The following NCAM2 variants were observed in gnomAD, a reference collection of about 807,000 sequenced individuals.
NCAM2 encodes the protein neural cell adhesion molecule 2.
NCAM2 carries 30 observed loss-of-function variants against 98.1 expected under a neutral mutation model. That is an observed-to-expected ratio of 0.31 (90% CI 0.23 to 0.41). The LOEUF (loss-of-function observed/expected upper bound fraction) is 0.41, where lower values mean the gene tolerates loss of function less well. NCAM2 is among the 10% of genes least tolerant of loss of function. The probability of loss-of-function intolerance (pLI) is 1.00; values close to 1 mark genes in which losing one functional copy is unlikely to be tolerated. For synonymous variants in NCAM2, 368 were observed against 342.4 expected (o/e 1.07, Z -0.83); for missense variants, 867 against 1,005.8 (o/e 0.86, Z 1.87).
chr21:21,334,924 C>G (rs1318157894), intron 6 of NCAM2, among the ~76,000 whole-genome samples: 1 of 151,980 alleles, frequency 6.6e-6, no homozygotes, highest in East Asian at 1.9e-4. Flanking sequence ...TTATTTTCCT[C>G]ATTAAAGAAT....
intron 9 of NCAM2, among the ~76,000 whole-genome samples, chr21:21,375,329 A>T (rs1343189007): frequency 1.3e-5 from 2 of 151,552 alleles, no homozygotes; most frequent in East Asian, 3.9e-4. Context: ...TAAACTTCGT[A>T]ACTAAAAGAA....
intron 1 of NCAM2, among the ~76,000 whole-genome samples, chr21:21,044,856 T>G (rs2064977697): frequency 6.6e-6 from 1 of 152,016 alleles, no homozygotes. Flanking sequence ...TTCTGGCTAC[T>G]TAGGAGGCTG....
Position 21,468,789 on chromosome 21 carries a change from T to C in NCAM2, c.1896+6T>C, listed in dbSNP as rs1332345166. 1.2e-6 allele frequency: 2 copies of C among 1,607,700 alleles called. No individual in the cohort carries two copies. Among genetic ancestry groups the C allele is most frequent in the East Asian group, 4.5e-5 (2 of 44,734 alleles). The stretch of plus-strand genomic sequence containing the variant: ...ACATTGTGAAATATAGAAGTGTAAG[T>C]ACCTTGTTTATTGTCATATCATGCT... On this transcript the variant is annotated splice_donor_region_variant and intron_variant, in intron 14 of 17. Coordinates refer to ENST00000400546, the MANE Select transcript of NCAM2 (RefSeq NM_004540.5).
intron 1 of NCAM2, among the ~76,000 whole-genome samples, chr21:21,020,073 G>C (rs930519164): frequency 1.2e-4 from 18 of 151,834 alleles, no homozygotes; most frequent in African/African-American, 3.6e-4. Context: ...GTCTCGCACT[G>C]CTGCCTGGGC....
chr21:21,478,406 T>G (rs1985437745), intron 15 of NCAM2, among the ~76,000 whole-genome samples: 1 of 152,088 alleles, frequency 6.6e-6, no homozygotes. Flanking sequence ...AGATATATAA[T>G]ATTTTTGAAA....
intron 1 of NCAM2, among the ~76,000 whole-genome samples, chr21:21,086,403 A>G (rs1254308719): frequency 2.0e-5 from 3 of 152,180 alleles, no homozygotes; most frequent in Non-Finnish European, 4.4e-5. Context: ...CCCTTTACAC[A>G]TTTTACGTTT....
At chr21:21,375,765 A>T (rs1025208166) in intron 9 of NCAM2, among the ~76,000 whole-genome samples, 4 of 151,620 alleles carry the variant, frequency 2.6e-5, no homozygotes, top group Non-Finnish European at 5.9e-5. Context: ...AAACTTAAGC[A>T]TGCCAAGATA....
chr21:21,199,726 T>C (rs1298683812), intron 1 of NCAM2, among the ~76,000 whole-genome samples: 2 of 152,208 alleles, frequency 1.3e-5, no homozygotes, highest in Admixed American at 6.5e-5. Flanking sequence ...ATGTCCAGTA[T>C]AATAGGATAG....
chr21:21,371,639 A>G (rs1310322141), intron 8 of NCAM2, among the ~76,000 whole-genome samples: 2 of 151,670 alleles, frequency 1.3e-5, no homozygotes, highest in African/African-American at 4.8e-5. Flanking sequence ...ACAGATCACA[A>G]TCCACACTTT....
At position 21,477,295 on chromosome 21, in the gene NCAM2, A is replaced by G. The variant is rs1985294028; in HGVS notation, c.1901A>G (p.Asp634Gly). 5 of 1,592,236 alleles carry G rather than the reference A, an allele frequency of 3.1e-6. No individual in the cohort carries two copies. In the South Asian group the frequency reaches 5.7e-5, roughly 18 times the overall value. ...GCATTTTTATTGCTTTCACAGAAAG[A>G]TAAGGAAGACCAATGGCTAGAGAAA... ...LEYIVKYRSK[D>G]KEDQWLEKKV... Residue 634 changes from aspartate to glycine, a missense_variant, in exon 15 of 18, where the codon GAT becomes GGT. By Grantham distance (94) the Asp-to-Gly change is moderately conservative. Coordinates refer to ENST00000400546, the MANE Select transcript of NCAM2 (RefSeq NM_004540.5).
intron 5 of NCAM2, among the ~76,000 whole-genome samples, chr21:21,319,157 C>CTG (rs2059737686): frequency 6.6e-6 from 1 of 151,982 alleles, no homozygotes; most frequent in African/African-American, 2.4e-5. Context: ...GCACAGTCAG[C>CTG]TCTTCATATT....
chr21:21,199,295 A>G (rs2069123161), intron 1 of NCAM2, among the ~76,000 whole-genome samples: 1 of 152,210 alleles, frequency 6.6e-6, no homozygotes, highest in Non-Finnish European at 1.5e-5. Context: ...TAAGGGCCAG[A>G]GATTTTGAAA....
chr21:21,045,951 A>G (rs1296562054), intron 1 of NCAM2, among the ~76,000 whole-genome samples: 1 of 152,182 alleles, frequency 6.6e-6, no homozygotes, highest in African/African-American at 2.4e-5. Context: ...CTGGAGCCAC[A>G]CTGCCTGGAT....
chr21:21,100,388 A>G (rs1339805683), intron 1 of NCAM2, among the ~76,000 whole-genome samples: 5 of 151,910 alleles, frequency 3.3e-5, no homozygotes, highest in Non-Finnish European at 7.4e-5. Context: ...TGACCCCCCA[A>G]AAGCCAAGGC....
intron 1 of NCAM2, among the ~76,000 whole-genome samples, chr21:21,027,562 A>G (rs747603932): frequency 3.3e-5 from 5 of 152,206 alleles, no homozygotes; most frequent in Admixed American, 3.3e-4. Flanking sequence ...CTTTCAATTT[A>G]TAGTGATTTC....
At chr21:21,092,980 C>T (rs1236627341) in intron 1 of NCAM2, among the ~76,000 whole-genome samples, 1 of 149,696 alleles carries the variant, frequency 6.7e-6, no homozygotes, top group Non-Finnish European at 1.5e-5. Flanking sequence ...AGTAACCTGA[C>T]ATTGCCTGAG....
intron 8 of NCAM2, among the ~76,000 whole-genome samples, chr21:21,359,046 A>G (rs1229986055): frequency 6.6e-6 from 1 of 152,182 alleles, no homozygotes; most frequent in East Asian, 1.9e-4. Context: ...ATTGTAGAGA[A>G]GAATGCTGAA....
rs1423470509 is a variant in NCAM2, at chr21:21,058,095, T to C, written c.55+59477T>C. Among the ~76,000 whole-genome samples, 3 of 144,012 alleles carry C rather than the reference T, an allele frequency of 2.1e-5. No homozygotes were observed. In the East Asian group the frequency reaches 6.2e-4, roughly 30 times the overall value. The allele number at this position is 144,012 out of a possible 152,430, so 94.5% of individuals were successfully genotyped here. A position where few individuals can be genotyped will look rare whatever the true frequency, so the allele number is the denominator to read the frequency against. ...GCCCAGTAACTCTGGGTGAATTGATTATATATAATGAACAAAAAGAATGTG... is the reference window on the plus strand; with the variant it reads ...GCCCAGTAACTCTGGGTGAATTGATCATATATAATGAACAAAAAGAATGTG... On this transcript the variant is annotated intron_variant, in intron 1 of 17. Coordinates refer to ENST00000400546, the MANE Select transcript of NCAM2 (RefSeq NM_004540.5).
At chr21:21,358,559 T>G (rs1046368259) in intron 8 of NCAM2, among the ~76,000 whole-genome samples, 2 of 152,054 alleles carry the variant, frequency 1.3e-5, no homozygotes, top group African/African-American at 4.8e-5. Context: ...GGTTTTGATA[T>G]TAAATACAAC....
Sources: gnomAD v4.1 joint callset for allele counts (sites outside exome capture counted in the v4.1 genomes callset) on GRCh38, gnomAD v4.1.1 for gene constraint, MANE v1.5 for transcripts, NCBI Gene and HGNC (gene_info 2026-07-23, HGNC 2026-07-21) for gene names.